TULP4: variants seen among roughly 807,000 people sequenced by gnomAD.
The protein encoded by TULP4 is TUB like protein 4.
A neutral mutation model predicts 129.0 loss-of-function variants in TULP4; 16 were observed. That is an observed-to-expected ratio of 0.12 (90% CI 0.08 to 0.19). The LOEUF (loss-of-function observed/expected upper bound fraction) is 0.19, where lower values mean the gene tolerates loss of function less well. TULP4 is among the 10% of genes least tolerant of loss of function. The probability of loss-of-function intolerance (pLI) is 1.00; values close to 1 mark genes in which losing one functional copy is unlikely to be tolerated. For synonymous variants in TULP4, 998 were observed against 854.0 expected, an observed-to-expected ratio of 1.17 and a Z score of -2.94; for missense variants, 1,842 against 2,059.1, an observed-to-expected ratio of 0.89 and a Z score of 2.04.
At position 158,493,807 on chromosome 6, in the gene TULP4, C is replaced by CT. The variant is rs564167209; in HGVS notation, c.1776+91dup. The CT allele has an allele frequency of 4.9e-3, 6,734 of 1,383,278 alleles. 21 individuals are homozygous for CT. Among genetic ancestry groups the CT allele is most frequent in the Non-Finnish European group, 5.9e-3 (6,177 of 1,044,546 alleles). 85.7% of individuals were successfully genotyped at this position (1,383,278 alleles called of 1,614,324 possible). A position where few individuals can be genotyped will look rare whatever the true frequency, so the allele number is the denominator to read the frequency against. On this transcript the variant is annotated intron_variant, in intron 10 of 13. Coordinates refer to ENST00000367097, the MANE Select transcript of TULP4 (RefSeq NM_020245.5). The surrounding 1 kb of genome is among the most constrained non-coding windows in gnomAD (Gnocchi z 4.4). Reference sequence around the variant, plus strand: ...TCCTACCCGCCGCCTGCACTGCTCACTGCCACCATGGGTCCCTGAGCTCTG... The same window carrying CT: ...TCCTACCCGCCGCCTGCACTGCTCACTTGCCACCATGGGTCCCTGAGCTCTG...
chr6:158,276,691 T>C (rs1778651913), intron 1 of TULP4, among the ~76,000 whole-genome samples: 1 of 152,110 alleles, frequency 6.6e-6, no homozygotes, highest in African/African-American at 2.4e-5. Context: ...CAGCACTCTG[T>C]TTTTAAATTC....
At chr6:158,483,459 G>T (rs1179545309) in intron 8 of TULP4, among the ~76,000 whole-genome samples, 1 of 151,954 alleles carries the variant, frequency 6.6e-6, no homozygotes, top group African/African-American at 2.4e-5. Context: ...CAGCCTCCTG[G>T]GCAGCTGGGG....
At chr6:158,281,940 T>C (rs183609343), upstream of TULP4, among the ~76,000 whole-genome samples, 4 of 152,346 alleles carry the variant, frequency 2.6e-5, no homozygotes, top group African/African-American at 9.6e-5. Flanking sequence ...TCCTCATTTC[T>C]GATAAGATTT....
At chr6:158,327,673 A>ATTT (rs71030152) in intron 1 of TULP4, among the ~76,000 whole-genome samples, 1 of 150,310 alleles carries the variant, frequency 6.7e-6, no homozygotes, top group African/African-American at 2.4e-5. Flanking sequence ...GTTTTAAACA[A>ATTT]TTTTTTTTTT....
intron 1 of TULP4, chr6:158,242,732 G>T: frequency 2.0e-6 from 1 of 495,152 alleles, no homozygotes; most frequent in South Asian, 2.0e-5. Flanking sequence ...TGACAGGCTT[G>T]AGAGCACACA....
At chr6:158,362,075 T>C (rs1207640637) in intron 1 of TULP4, among the ~76,000 whole-genome samples, 1 of 152,226 alleles carries the variant, frequency 6.6e-6, no homozygotes, top group African/African-American at 2.4e-5. Context: ...GAAGTACCCA[T>C]AGCATCATTG....
intron 1 of TULP4, chr6:158,241,986 A>G: frequency 1.1e-6 from 1 of 883,370 alleles, no homozygotes; most frequent in Non-Finnish European, 1.9e-6. Flanking sequence ...TCTTGGAGTC[A>G]AAGACATTTT....
At chr6:158,315,257 C>G (rs1007199443) in intron 1 of TULP4, among the ~76,000 whole-genome samples, 1 of 152,012 alleles carries the variant, frequency 6.6e-6, no homozygotes, top group Admixed American at 6.6e-5. Context: ...CTGAAAGTCT[C>G]AAGATCCGGG....
At chr6:158,392,709 A>T (rs2114952448) in intron 1 of TULP4, among the ~76,000 whole-genome samples, 1 of 146,828 alleles carries the variant, frequency 6.8e-6, no homozygotes, top group African/African-American at 2.5e-5. Flanking sequence ...ATGGCGGCTG[A>T]GTGGTGAAGC....
chr6:158,335,649 A>G (rs6941081), intron 1 of TULP4, among the ~76,000 whole-genome samples: 131,188 of 152,210 alleles, frequency 0.86, 56,945 homozygotes, highest in South Asian at 0.93. Flanking sequence ...TGTGTGGTGT[A>G]TATTTATGTT....
In TULP4 at chr6:158,508,296, T is replaced by G. The variant is rs938327631; in HGVS notation, c.*1602T>G. 2.6e-5 allele frequency: 4 copies of G among 152,240 alleles called. No individual in the cohort carries two copies. The highest frequency in any genetic ancestry group is 9.7e-5 in the African/African-American group (4 of 41,444). 9.4% of individuals were successfully genotyped at this position (152,240 alleles called of 1,614,324 possible). Reference sequence around the variant, plus strand: ...TTGGGTTCCAAATTTGCATTTTATTTGGAAACAGACAAGTAGAAGATGCTA... The same window carrying G: ...TTGGGTTCCAAATTTGCATTTTATTGGGAAACAGACAAGTAGAAGATGCTA... On this transcript the variant is annotated 3_prime_UTR_variant, in exon 14 of 14. Coordinates refer to ENST00000367097, the MANE Select transcript of TULP4 (RefSeq NM_020245.5).
chr6:158,464,667 A>G (rs763344829), intron 6 of TULP4, among the ~76,000 whole-genome samples: 84 of 152,164 alleles, frequency 5.5e-4, no homozygotes, highest in Admixed American at 1.6e-3. Context: ...CTATAGTGCT[A>G]GAATTACAGG....
At chr6:158,261,066 G>A (rs1037574376) in intron 1 of TULP4, among the ~76,000 whole-genome samples, 13 of 151,918 alleles carry the variant, frequency 8.6e-5, no homozygotes, top group African/African-American at 7.3e-5. Context: ...TGATCCGCCC[G>A]CTTCAGCATC....
At chr6:158,462,842 C>A (rs767765070) in intron 6 of TULP4, among the ~76,000 whole-genome samples, 1 of 150,948 alleles carries the variant, frequency 6.6e-6, no homozygotes, top group Non-Finnish European at 1.5e-5. Context: ...CTCCTCCTCC[C>A]GGGTTCAAGC....
At chr6:158,327,656 A>G (rs1413123449) in intron 1 of TULP4, among the ~76,000 whole-genome samples, 1 of 132,626 alleles carries the variant, frequency 7.5e-6, no homozygotes, top group Middle Eastern at 3.4e-3. Flanking sequence ...TGAGGATACA[A>G]ATTATGGTTT....
At chr6:158,241,745 C>G (rs544802766) in intron 1 of TULP4, 2 of 418,654 alleles carry the variant, frequency 4.8e-6, no homozygotes, top group East Asian at 5.3e-5. Context: ...CAGGCACGCA[C>G]CATCACGCCC....
chr6:158,352,684 C>T (rs1406770078), intron 1 of TULP4, among the ~76,000 whole-genome samples: 5 of 152,206 alleles, frequency 3.3e-5, no homozygotes, highest in South Asian at 2.1e-4. Context: ...CGTGAGCCAC[C>T]GTGCCTGGCC....
intron 2 of TULP4, among the ~76,000 whole-genome samples, chr6:158,415,687 AAGTT>A (rs1285245523): frequency 1.3e-5 from 2 of 152,034 alleles, no homozygotes; most frequent in African/African-American, 2.4e-5. Context: ...AAAAAAAAAA[AAGTT>A]AGCAGTCTCA....
chr6:158,422,113 GAAAT>G (rs1197563564), intron 2 of TULP4, among the ~76,000 whole-genome samples: 2 of 151,912 alleles, frequency 1.3e-5, no homozygotes, highest in Non-Finnish European at 2.9e-5. Flanking sequence ...GAAAAAGTAA[GAAAT>G]AATAAAAATG....
Sources: allele counts gnomAD v4.1 joint callset (sites outside exome capture counted in the v4.1 genomes callset), GRCh38; gene constraint gnomAD v4.1.1; non-coding constraint Gnocchi (gnomAD v3.1); transcripts MANE v1.5; gene names NCBI Gene and HGNC (gene_info 2026-07-23, HGNC 2026-07-21).